The following P3H2 variants were observed in gnomAD, a reference collection of about 807,000 sequenced individuals.
The protein encoded by P3H2 is prolyl 3-hydroxylase 2.
In P3H2, 80 loss-of-function variants were observed where a neutral mutation model predicts 87.0. The observed-to-expected ratio is 0.92, with a 90% CI of 0.77 to 1.11. The LOEUF (loss-of-function observed/expected upper bound fraction) is 1.11. Among genes scored for constraint, P3H2 ranks in the 50% least tolerant of loss-of-function variants. The pLI is 0.00. For synonymous variants in P3H2, 367 were observed against 359.3 expected (o/e 1.02, Z -0.24); for missense variants, 1,001 against 923.9 (o/e 1.08, Z -1.08).
chr3:190,087,073 C>T (rs575881818), intron 1 of P3H2, among the ~76,000 whole-genome samples: 67 of 152,268 alleles, frequency 4.4e-4, no homozygotes, highest in Non-Finnish European at 6.2e-4. Flanking sequence ...GAAAATCCAG[C>T]GAACTCCTAT....
rs1577237539 is a variant in P3H2, at chr3:189,957,433, C to A, written c.*479G>T. Reference sequence around the variant, plus strand: ...TCTCTCTAAGCTTTTGAATTTGCAGCAACTTAATTGTGTGTGTGTGTGTGT... The same window carrying A: ...TCTCTCTAAGCTTTTGAATTTGCAGAAACTTAATTGTGTGTGTGTGTGTGT... On this transcript the variant is annotated 3_prime_UTR_variant, in exon 15 of 15. Coordinates refer to ENST00000319332, the MANE Select transcript of P3H2 (RefSeq NM_018192.4). 2.9e-6 allele frequency: 1 copy of A among 346,864 alleles called. No homozygotes were observed. Among genetic ancestry groups the A allele is most frequent in the Admixed American group, 4.7e-5 (1 of 21,342 alleles). 21.5% of individuals were successfully genotyped at this position (346,864 alleles called of 1,614,324 possible).
At chr3:189,967,582 C>T (rs572076940) in intron 13 of P3H2, among the ~76,000 whole-genome samples, 1 of 151,526 alleles carries the variant, frequency 6.6e-6, no homozygotes, top group African/African-American at 2.4e-5. Flanking sequence ...ATGCTTCCTA[C>T]ACTCAAGCTT....
chr3:190,091,624 C>T (rs941633198), intron 1 of P3H2, among the ~76,000 whole-genome samples: 5 of 152,144 alleles, frequency 3.3e-5, no homozygotes, highest in Non-Finnish European at 7.4e-5. Flanking sequence ...ATGGCACAAG[C>T]CAGATCCTTA....
intron 1 of P3H2, among the ~76,000 whole-genome samples, chr3:190,094,410 G>A (rs1159727934): frequency 6.6e-6 from 1 of 152,170 alleles, no homozygotes; most frequent in Non-Finnish European, 1.5e-5. Flanking sequence ...TGAATTCTAT[G>A]ACCCTGGTTG....
intron 13 of P3H2, among the ~76,000 whole-genome samples, chr3:189,970,425 A>T (rs558180705): frequency 1.3e-5 from 2 of 151,260 alleles, no homozygotes; most frequent in African/African-American, 4.9e-5. Context: ...AGTACGTAGA[A>T]CACCAGGTTA....
chr3:190,113,742 C>G (rs773502346), intron 1 of P3H2, among the ~76,000 whole-genome samples: 1 of 152,074 alleles, frequency 6.6e-6, no homozygotes, highest in Non-Finnish European at 1.5e-5. Context: ...TTCTGAGAGA[C>G]GAGGTCTATG....
intron 8 of P3H2, among the ~76,000 whole-genome samples, chr3:189,982,328 T>C (rs1560347303): frequency 6.6e-6 from 1 of 152,214 alleles, no homozygotes; most frequent in Non-Finnish European, 1.5e-5. Context: ...TCATAAAACA[T>C]ATAGAAATAA....
chr3:190,115,427 GAA>G (rs560968411), intron 1 of P3H2, among the ~76,000 whole-genome samples: 5 of 112,110 alleles, frequency 4.5e-5, no homozygotes, highest in African/African-American at 1.5e-4. Context: ...AAAAGTGGGA[GAA>G]AAAAAAAAAA....
chr3:190,071,905 T>C (rs1726709298), intron 1 of P3H2, among the ~76,000 whole-genome samples: 1 of 145,328 alleles, frequency 6.9e-6, no homozygotes, highest in African/African-American at 2.5e-5. Context: ...ACAAAAGACA[T>C]AAACAATGAG....
intron 1 of P3H2, among the ~76,000 whole-genome samples, chr3:190,018,932 C>T (rs1036194078): frequency 5.9e-5 from 9 of 152,086 alleles, no homozygotes; most frequent in East Asian, 1.9e-4. Flanking sequence ...CTTCTTACAC[C>T]GTAATGGCCC....
At chr3:190,023,590 CAA>C (rs1252873356) in intron 1 of P3H2, among the ~76,000 whole-genome samples, 1 of 152,190 alleles carries the variant, frequency 6.6e-6, no homozygotes, top group Non-Finnish European at 1.5e-5. Flanking sequence ...CCCCATGACT[CAA>C]TTACCTCCAC....
At chr3:190,017,436 A>G (rs550383758) in intron 1 of P3H2, among the ~76,000 whole-genome samples, 9 of 152,340 alleles carry the variant, frequency 5.9e-5, no homozygotes, top group African/African-American at 1.9e-4. Context: ...GAGCATACAC[A>G]TGGATGCAAA....
rs750078847 is a variant in P3H2 at position 189,974,579 on chromosome 3, C to G, written c.1431G>C (p.Arg477=). 30 of 1,614,012 alleles carry G rather than the reference C, an allele frequency of 1.9e-5. 1 individual carries two copies. The South Asian group carries it at 3.3e-4, about 18-fold the overall frequency. The change falls in exon 9 of 15, where the codon CGG becomes CGC. Residue 477 remains arginine, a synonymous_variant. Transcript: ENST00000319332. ...TCACACTGGCCACGCTGTGGAGCTC[C>G]CGGCACTGTTCTTCCGACAGGACGT... ...LDNVLSEEQC[R]ELHSVASGIM...
Position 190,039,310 on chromosome 3 carries a change from A to C in P3H2, c.481-43868T>G, listed in dbSNP as rs1345776693. Among the ~76,000 whole-genome samples the C allele has an allele frequency of 1.1e-4, 16 of 147,266 alleles. 1 individual carries two copies. In the Admixed American group the frequency reaches 1.1e-3, roughly 10 times the overall value. On this transcript the variant is annotated intron_variant, in intron 1 of 14. Transcript: ENST00000319332. ...CCAAACGCAACTACCAGCCATAGTT[A>C]AATGGCAACTCATGTTTAAATGAAA...
chr3:189,991,201 CA>C (rs1445602067), intron 3 of P3H2, among the ~76,000 whole-genome samples: 4 of 151,996 alleles, frequency 2.6e-5, no homozygotes, highest in East Asian at 3.9e-4. Flanking sequence ...GGCAGAGATC[CA>C]AAAAAATAAA....
At chr3:190,001,087 T>G (rs1724202706) in intron 1 of P3H2, among the ~76,000 whole-genome samples, 1 of 152,202 alleles carries the variant, frequency 6.6e-6, no homozygotes, top group African/African-American at 2.4e-5. Flanking sequence ...CTAACAATGT[T>G]TCTCAATTCA....
intron 8 of P3H2, 108 bp from the exon 9 acceptor site, chr3:189,974,793 T>C: frequency 7.4e-7 from 1 of 1,346,932 alleles, no homozygotes; most frequent in Non-Finnish European, 1.1e-6. Flanking sequence ...CATTTCTTCA[T>C]GAATATTTAG....
intron 1 of P3H2, among the ~76,000 whole-genome samples, chr3:190,091,348 G>A (rs752899336): frequency 3.9e-4 from 59 of 152,220 alleles, no homozygotes; most frequent in Non-Finnish European, 7.1e-4. Context: ...AACACGAAGT[G>A]GACACATTTG....
At chr3:190,098,600 T>C (rs1711508805) in intron 1 of P3H2, among the ~76,000 whole-genome samples, 1 of 152,160 alleles carries the variant, frequency 6.6e-6, no homozygotes, top group South Asian at 2.1e-4. Flanking sequence ...CCACTGTCAC[T>C]TACCCCTCCT....
Sources: gnomAD v4.1 joint callset for allele counts (sites outside exome capture counted in the v4.1 genomes callset) on GRCh38, gnomAD v4.1.1 for gene constraint, MANE v1.5 for transcripts, NCBI Gene and HGNC (gene_info 2026-07-23, HGNC 2026-07-21) for gene names.